Variants in IQCJ observed in about 807,000 individuals in gnomAD.
IQCJ encodes the protein IQ motif containing J, also known as IQ domain-containing protein J.
In IQCJ, 9 loss-of-function variants were observed where a neutral mutation model predicts 11.0. The observed-to-expected ratio is 0.82, with a 90% CI of 0.49 to 1.43. The LOEUF (loss-of-function observed/expected upper bound fraction) is 1.43. Among genes scored for constraint, IQCJ ranks in the 40% most tolerant of loss-of-function variants. The pLI is 0.00. For missense variants in IQCJ, 146 were observed against 133.2 expected (o/e 1.10, Z -0.47); for synonymous variants, 55 against 51.3 (o/e 1.07, Z -0.31).
chr3:159,164,640 T>C (rs1287242061), intron 1 of IQCJ, among the ~76,000 whole-genome samples: 3 of 152,090 alleles, frequency 2.0e-5, no homozygotes, highest in Non-Finnish European at 4.4e-5. Flanking sequence ...TGGTGGCACA[T>C]GCCTGTAATC....
chr3:159,240,856 G>A (rs975672307), intron 1 of IQCJ, among the ~76,000 whole-genome samples: 2 of 152,124 alleles, frequency 1.3e-5, no homozygotes, highest in African/African-American at 4.8e-5. Flanking sequence ...GCCTCCCAAA[G>A]TGTTGGGATT....
chr3:159,244,286 G>A (rs1338261472), intron 1 of IQCJ, among the ~76,000 whole-genome samples: 1 of 152,212 alleles, frequency 6.6e-6, no homozygotes, highest in African/African-American at 2.4e-5. Flanking sequence ...GAAGAGGACA[G>A]ATGGCTGGGA....
At chr3:159,130,346 ATGT>A (rs1719920874) in intron 1 of IQCJ, among the ~76,000 whole-genome samples, 2 of 152,238 alleles carry the variant, frequency 1.3e-5, no homozygotes, top group East Asian at 1.9e-4. Context: ...GAATTGAGAG[ATGT>A]TGTAGGTAGA....
At chr3:159,082,594 C>T (rs969557701) in intron 1 of IQCJ, among the ~76,000 whole-genome samples, 1 of 152,016 alleles carries the variant, frequency 6.6e-6, no homozygotes. Flanking sequence ...CTCTGAAAGA[C>T]CTTTGTGTGT....
intron 1 of IQCJ, among the ~76,000 whole-genome samples, chr3:159,201,523 G>C (rs1452529641): frequency 6.6e-6 from 1 of 151,270 alleles, no homozygotes; most frequent in Non-Finnish European, 1.5e-5. Flanking sequence ...GTGTGTGTGT[G>C]TGTGTGTGTG....
intron 1 of IQCJ, among the ~76,000 whole-genome samples, chr3:159,244,396 A>G (rs2108191268): frequency 6.6e-6 from 1 of 152,276 alleles, no homozygotes; most frequent in African/African-American, 2.4e-5. Flanking sequence ...CACACCATGT[A>G]GTATGTAGCA....
At chr3:159,104,734 G>T (rs1718145188) in intron 1 of IQCJ, among the ~76,000 whole-genome samples, 1 of 152,114 alleles carries the variant, frequency 6.6e-6, no homozygotes. Flanking sequence ...TTGCCCTTGT[G>T]AGCACCACCT....
At chr3:159,236,391 C>T (rs1013245794) in intron 1 of IQCJ, among the ~76,000 whole-genome samples, 3 of 151,876 alleles carry the variant, frequency 2.0e-5, no homozygotes, top group African/African-American at 7.3e-5. Context: ...TATTAATGCC[C>T]ATATTCACAG....
chr3:159,179,928 C>T (rs562587145), intron 1 of IQCJ, among the ~76,000 whole-genome samples: 2 of 151,976 alleles, frequency 1.3e-5, no homozygotes, highest in East Asian at 1.9e-4. Flanking sequence ...ATACAAGGGG[C>T]TCTGAGAAAA....
At chr3:159,201,312 C>T (rs1272221066) in intron 1 of IQCJ, among the ~76,000 whole-genome samples, 1 of 152,080 alleles carries the variant, frequency 6.6e-6, no homozygotes, top group Non-Finnish European at 1.5e-5. Flanking sequence ...CTCTGTAATT[C>T]TTTTGAAAAG....
chr3:159,069,378 G>A lies in IQCJ; in HGVS notation c.-55G>A. ...GCTCTGTGATTCTGAGGAATACAGT[G>A]TGCCAGCATCCGATCCAGTCTCCTT... On this transcript the variant is annotated 5_prime_UTR_variant, in exon 1 of 4. It adds an upstream start codon to the 5' untranslated region. Coordinates refer to ENST00000397832, the MANE Select transcript of IQCJ (RefSeq NM_001042706.3). The A allele has an allele frequency of 2.5e-6, 4 of 1,589,146 alleles. No individual in the cohort carries two copies. The highest frequency in any genetic ancestry group is 3.4e-6 in the Non-Finnish European group (4 of 1,170,728).
intron 1 of IQCJ, among the ~76,000 whole-genome samples, chr3:159,220,726 T>C (rs1725487707): frequency 6.6e-6 from 1 of 152,152 alleles, no homozygotes; most frequent in Non-Finnish European, 1.5e-5. Context: ...GGATCCCCGA[T>C]GAACAAGAAC....
At chr3:159,152,839 C>T (rs1721307029) in intron 1 of IQCJ, among the ~76,000 whole-genome samples, 1 of 152,156 alleles carries the variant, frequency 6.6e-6, no homozygotes, top group South Asian at 2.1e-4. Flanking sequence ...ATGCAGTTTT[C>T]AATAAAATCT....
At chr3:159,185,616 T>C (rs2365480) in intron 1 of IQCJ, among the ~76,000 whole-genome samples, 14,695 of 152,250 alleles carry the variant, frequency 0.097, 2,382 homozygotes, top group African/African-American at 0.34. Context: ...ACTCAGTATC[T>C]GCAATGAAAT....
intron 1 of IQCJ, among the ~76,000 whole-genome samples, chr3:159,172,062 C>T (rs1223699495): frequency 6.6e-6 from 1 of 152,074 alleles, no homozygotes; most frequent in Non-Finnish European, 1.5e-5. Context: ...ATCATAAACA[C>T]CTTCATGCCT....
intron 1 of IQCJ, among the ~76,000 whole-genome samples, chr3:159,210,482 G>A (rs1433498500): frequency 3.3e-5 from 5 of 152,102 alleles, no homozygotes; most frequent in African/African-American, 9.7e-5. Flanking sequence ...GTGTGTAATG[G>A]TAAGGAATGG....
intron 1 of IQCJ, among the ~76,000 whole-genome samples, chr3:159,239,030 C>A (rs1331924355): frequency 6.6e-6 from 1 of 152,016 alleles, no homozygotes; most frequent in East Asian, 1.9e-4. Context: ...CAAGAGAAAC[C>A]AATGATGGGG....
chr3:159,101,562 C>G (rs1053195152), intron 1 of IQCJ, among the ~76,000 whole-genome samples: 1 of 152,202 alleles, frequency 6.6e-6, no homozygotes, highest in Non-Finnish European at 1.5e-5. Flanking sequence ...TAACGGCAAC[C>G]TTCTTTGTTC....
At chr3:159,206,590 G>A (rs1724668011) in intron 1 of IQCJ, among the ~76,000 whole-genome samples, 1 of 152,154 alleles carries the variant, frequency 6.6e-6, no homozygotes, top group African/African-American at 2.4e-5. Context: ...ATTGAAAGTG[G>A]ATAATGTGTG....
Sources: gnomAD v4.1 joint callset for allele counts (sites outside exome capture counted in the v4.1 genomes callset) on GRCh38, gnomAD v4.1.1 for gene constraint, MANE v1.5 for transcripts, NCBI Gene and HGNC (gene_info 2026-07-23, HGNC 2026-07-21) for gene names.